RIMS2: variants seen among roughly 807,000 people sequenced by gnomAD.
The protein encoded by RIMS2 is regulating synaptic membrane exocytosis protein 2.
A neutral mutation model predicts 174.4 loss-of-function variants in RIMS2; 59 were observed. That is an observed-to-expected ratio of 0.34 (90% CI 0.27 to 0.42). The LOEUF is 0.42. RIMS2 is among the 10% of genes least tolerant of loss of function. RIMS2 has a pLI of 1.00. For missense variants in RIMS2, 1,620 were observed against 1,666.3 expected (o/e 0.97, Z 0.48); for synonymous variants, 606 against 572.5 (o/e 1.06, Z -0.84).
intron 1 of RIMS2, among the ~76,000 whole-genome samples, chr8:103,636,379 C>A (rs1356170933): frequency 6.6e-6 from 1 of 152,166 alleles, no homozygotes; most frequent in East Asian, 1.9e-4. Context: ...CATGCCAGAG[C>A]AGCTGCTCTG....
chr8:103,596,134 A>C (rs531143809), intron 1 of RIMS2, among the ~76,000 whole-genome samples: 2 of 152,036 alleles, frequency 1.3e-5, no homozygotes, highest in Non-Finnish European at 2.9e-5. Flanking sequence ...TTAAATAATA[A>C]GCCAATTAAT....
chr8:103,622,835 C>T (rs1213211661), intron 1 of RIMS2, among the ~76,000 whole-genome samples: 1 of 152,172 alleles, frequency 6.6e-6, no homozygotes, highest in African/African-American at 2.4e-5. Flanking sequence ...GTCTAAAACT[C>T]TTTATGTCCT....
At chr8:103,619,680 T>C (rs1040872803) in intron 1 of RIMS2, among the ~76,000 whole-genome samples, 1 of 152,072 alleles carries the variant, frequency 6.6e-6, no homozygotes, top group Non-Finnish European at 1.5e-5. Context: ...TGTGTAAATG[T>C]AAACCTAAAT....
intron 1 of RIMS2, among the ~76,000 whole-genome samples, chr8:103,680,079 A>G (rs150994932): frequency 1.4e-3 from 206 of 152,180 alleles, no homozygotes; most frequent in African/African-American, 4.7e-3. Flanking sequence ...GATCTACATC[A>G]CTAGAAAGTT....
At chr8:103,735,800 G>T (rs772887852) in intron 2 of RIMS2, among the ~76,000 whole-genome samples, 2 of 152,058 alleles carry the variant, frequency 1.3e-5, no homozygotes, top group African/African-American at 4.8e-5. Flanking sequence ...TGGGAGAGAC[G>T]TTTTTTTGTT....
At chr8:103,980,573 C>T (rs2093812864) in intron 16 of RIMS2, among the ~76,000 whole-genome samples, 1 of 152,138 alleles carries the variant, frequency 6.6e-6, no homozygotes, top group Admixed American at 6.6e-5. Flanking sequence ...CTTTGTCTTG[C>T]ACCTTAGATG....
At chr8:103,674,404 G>A (rs1440373226) in intron 1 of RIMS2, among the ~76,000 whole-genome samples, 1 of 152,028 alleles carries the variant, frequency 6.6e-6, no homozygotes, top group Non-Finnish European at 1.5e-5. Context: ...TCCAGTCTCA[G>A]ATAGCTTTTG....
chr8:103,787,722 A>C (rs1201409655), intron 3 of RIMS2, among the ~76,000 whole-genome samples: 1 of 151,646 alleles, frequency 6.6e-6, no homozygotes, highest in African/African-American at 2.4e-5. Flanking sequence ...CTTCATTTCT[A>C]CTTTGGTGAA....
chr8:104,111,695 C>T (rs543875205), intron 19 of RIMS2, among the ~76,000 whole-genome samples: 4 of 152,252 alleles, frequency 2.6e-5, no homozygotes, highest in South Asian at 2.1e-4. Context: ...CATGAGCCAC[C>T]GCACCCGGCC....
chr8:103,986,899 TA>T (rs146609984), intron 16 of RIMS2, among the ~76,000 whole-genome samples: 7 of 145,200 alleles, frequency 4.8e-5, no homozygotes, highest in East Asian at 2.0e-4. Context: ...AAAATAAAAT[TA>T]AAAAAAAAAC....
At chr8:103,636,874 A>G (rs1312063713) in intron 1 of RIMS2, among the ~76,000 whole-genome samples, 1 of 150,388 alleles carries the variant, frequency 6.6e-6, no homozygotes, top group East Asian at 2.0e-4. Context: ...TGCTCTTTAA[A>G]GAACAAAAGG....
At chr8:104,131,769 G>A (rs1430121678) in intron 19 of RIMS2, among the ~76,000 whole-genome samples, 1 of 152,116 alleles carries the variant, frequency 6.6e-6, no homozygotes, top group East Asian at 1.9e-4. Context: ...ATGCACAGTG[G>A]ATGGCAACTA....
rs1175352721 is a variant in RIMS2, at chr8:103,793,903, C to G, written c.698+27366C>G. On this transcript the variant is annotated intron_variant, in intron 3 of 23. Transcript: ENST00000504942. ...ATGTGAAGGACCTCTTCAAGGAGAACTACAAACCACTGCTCAACGAAATAA... is the reference window on the plus strand; with the variant it reads ...ATGTGAAGGACCTCTTCAAGGAGAAGTACAAACCACTGCTCAACGAAATAA... Among the ~76,000 whole-genome samples, 3 of 152,110 alleles carry G rather than the reference C, an allele frequency of 2.0e-5. No homozygotes were observed. In the South Asian group the frequency reaches 6.2e-4, roughly 32 times the overall value.
rs551683940 is a variant in RIMS2 at position 103,501,727 on chromosome 8, C to G, written c.176+665C>G. 3 of 152,478 alleles carry G rather than the reference C, an allele frequency of 2.0e-5. No individual in the cohort carries two copies. The South Asian group carries it at 6.2e-4, about 32-fold the overall frequency. 9.4% of individuals were successfully genotyped at this position (152,478 alleles called of 1,614,324 possible). A position where few individuals can be genotyped will look rare whatever the true frequency, so the allele number is the denominator to read the frequency against. On this transcript the variant is annotated intron_variant, in intron 1 of 23. Coordinates refer to ENST00000504942, the Ensembl canonical transcript of RIMS2. ...ACTCTGCTGCTCTTCCTGTTTGCAACTAGTAAATCTGTTTAATCCTGAAGA... is the reference window on the plus strand; with the variant it reads ...ACTCTGCTGCTCTTCCTGTTTGCAAGTAGTAAATCTGTTTAATCCTGAAGA...
intron 17 of RIMS2, among the ~76,000 whole-genome samples, chr8:104,006,462 A>G (rs540204898): frequency 6.6e-6 from 1 of 152,218 alleles, no homozygotes; most frequent in South Asian, 2.1e-4. Context: ...AGGCAGGAGA[A>G]TCACTTGAAC....
At chr8:104,005,579 A>G (rs2095544426) in intron 17 of RIMS2, among the ~76,000 whole-genome samples, 1 of 152,232 alleles carries the variant, frequency 6.6e-6, no homozygotes, top group Admixed American at 6.5e-5. Context: ...AAGAGAGTAT[A>G]GTAAATGAAG....
chr8:103,599,954 T>C (rs1381242646), intron 1 of RIMS2, among the ~76,000 whole-genome samples: 1 of 152,142 alleles, frequency 6.6e-6, no homozygotes, highest in Non-Finnish European at 1.5e-5. Context: ...TTGACTATAG[T>C]CACCCTGTTG....
intron 1 of RIMS2, among the ~76,000 whole-genome samples, chr8:103,537,496 A>G (rs149425280): frequency 1.3e-5 from 2 of 152,292 alleles, no homozygotes; most frequent in Non-Finnish European, 2.9e-5. Flanking sequence ...CTTCTGTTCT[A>G]CCAGGACAGC....
At chr8:104,248,916 C>CCTCTCTCTCT (rs757190951) in intron 21 of RIMS2, 103 bp downstream of exon 27, 1 of 540,910 alleles carries the variant, frequency 1.8e-6, no homozygotes, top group Non-Finnish European at 3.2e-6. Flanking sequence ...TCTCTCTTTC[C>CCTCTCTCTCT]CTCTCTCTCT....
Sources: allele counts gnomAD v4.1 joint callset (sites outside exome capture counted in the v4.1 genomes callset), GRCh38; gene constraint gnomAD v4.1.1; transcripts MANE v1.5; gene names NCBI Gene and HGNC (gene_info 2026-07-23, HGNC 2026-07-21).